CMYA5: variants seen among roughly 807,000 people sequenced by gnomAD.
CMYA5 encodes cardiomyopathy-associated protein 5.
A neutral mutation model predicts 318.9 loss-of-function variants in CMYA5; 246 were observed. The observed-to-expected ratio is 0.77, with a 90% CI of 0.70 to 0.86. The LOEUF is 0.86. Ranked by LOEUF, CMYA5 falls within the 40% of genes least tolerant of loss-of-function variation. The pLI is 0.00. For synonymous variants in CMYA5, 1,641 were observed against 1,729.5 expected (o/e 0.95, Z 1.27); for missense variants, 4,589 against 4,678.2 (o/e 0.98, Z 0.56).
intron 8 of CMYA5, 179 bp downstream of exon 8, chr5:79,762,136 T>TG: frequency 1.7e-6 from 1 of 577,040 alleles, no homozygotes; most frequent in South Asian, 4.4e-5. Flanking sequence ...CATGCTCAGG[T>TG]GGGGAGATGG....
chr5:79,777,112 C>G (rs991527478), intron 9 of CMYA5, among the ~76,000 whole-genome samples: 11 of 152,162 alleles, frequency 7.2e-5, no homozygotes, highest in African/African-American at 2.7e-4. Flanking sequence ...TGAGATTGTG[C>G]AAACACATTC....
At chr5:79,741,259 C>G (rs957058042) in intron 2 of CMYA5, among the ~76,000 whole-genome samples, 5 of 152,166 alleles carry the variant, frequency 3.3e-5, no homozygotes, top group African/African-American at 9.7e-5. Flanking sequence ...ATAAAATCGT[C>G]TCAGAGAGTT....
At chr5:79,700,022 G>A (rs1393869134) in intron 1 of CMYA5, among the ~76,000 whole-genome samples, 1 of 152,202 alleles carries the variant, frequency 6.6e-6, no homozygotes, top group Non-Finnish European at 1.5e-5. Context: ...CTGAAGATCA[G>A]GCCTTATTTA....
chr5:79,720,658 A>G lies in CMYA5; in HGVS notation c.150-8257A>G, dbSNP rs368660977. 2.6e-5 allele frequency among the ~76,000 whole-genome samples: 4 copies of G among 151,828 alleles called. No homozygotes were observed. The East Asian group carries it at 5.8e-4, about 22-fold the overall frequency. On this transcript the variant is annotated intron_variant, in intron 1 of 12. Coordinates refer to ENST00000446378, the MANE Select transcript of CMYA5 (RefSeq NM_153610.5). ...TCCATGTTGGTAAGGCTGGTCTTGA[A>G]CTCCTGACCTCAAGTGATCTGCTGG...
At position 79,713,306 on chromosome 5, in the gene CMYA5, C is replaced by T. The variant is rs1178788013; in HGVS notation, c.150-15609C>T. Among the ~76,000 whole-genome samples, 7 of 125,008 alleles carry T rather than the reference C, an allele frequency of 5.6e-5. No individual in the cohort carries two copies. In the East Asian group the frequency reaches 1.2e-3, roughly 22 times the overall value. The allele number at this position is 125,008 out of a possible 152,430, so 82.0% of individuals were successfully genotyped here. A position where few individuals can be genotyped will look rare whatever the true frequency, so the allele number is the denominator to read the frequency against. On this transcript the variant is annotated intron_variant, in intron 1 of 12. Coordinates refer to ENST00000446378, the MANE Select transcript of CMYA5 (RefSeq NM_153610.5). ...CACCCCGCTGCACCCCGCCCCCACC[C>T]CCCACCCGCCGTCACAAAGAATTAT...
At chr5:79,693,190 A>G (rs1001277714) in intron 1 of CMYA5, among the ~76,000 whole-genome samples, 1 of 152,202 alleles carries the variant, frequency 6.6e-6, no homozygotes, top group African/African-American at 2.4e-5. Flanking sequence ...TTATGTTTCT[A>G]AAACTTCATG....
chr5:79,754,075 G>T (rs1053594541), intron 6 of CMYA5, among the ~76,000 whole-genome samples: 1 of 152,206 alleles, frequency 6.6e-6, no homozygotes, highest in East Asian at 1.9e-4. Flanking sequence ...CTCAGCAAGT[G>T]CACATGGCGG....
At position 79,737,217 on chromosome 5, in the gene CMYA5, C is replaced by T. The variant is rs756008782; in HGVS notation, c.8452C>T (p.Gln2818Ter). Reference protein sequence around the residue: ...PPYLLSPVKPQTLASGASPEI... With the variant: ...PPYLLSPVKP ...ATATTTGCTGTCACCTGTAAAACCA[C>T]AAACTCTTGCTTCAGGAGCTTCTCC... Residue 2818 changes from glutamine to a stop codon, truncating the protein, a stop_gained, in exon 2 of 13, where the codon CAA becomes TAA. Transcript: ENST00000446378. LOFTEE classifies it high-confidence loss of function. 3.7e-6 allele frequency: 6 copies of T among 1,613,718 alleles called. No individual in the cohort carries two copies. The South Asian group carries it at 6.6e-5, about 18-fold the overall frequency.
intron 9 of CMYA5, among the ~76,000 whole-genome samples, chr5:79,768,162 C>A (rs1324650183): frequency 1.3e-5 from 2 of 151,630 alleles, no homozygotes; most frequent in Non-Finnish European, 1.5e-5. Flanking sequence ...GGTAAGTATT[C>A]CTCCATCCCT....
At position 79,726,792 on chromosome 5, in the gene CMYA5, C is replaced by T. The variant is rs142493445; in HGVS notation, c.150-2123C>T. On this transcript the variant is annotated intron_variant, in intron 1 of 12. Transcript: ENST00000446378. ...AGCTTAATAAGGGAAGTTGAGTGCACCTGCAAGGACTTATGGTCCTGGTCC... is the reference window on the plus strand; with the variant it reads ...AGCTTAATAAGGGAAGTTGAGTGCATCTGCAAGGACTTATGGTCCTGGTCC... Among the ~76,000 whole-genome samples, 1,295 of 152,132 alleles carry T rather than the reference C, an allele frequency of 8.5e-3. 21 individuals carry two copies. The highest frequency in any genetic ancestry group is 0.03 in the African/African-American group (1,228 of 41,476).
At chr5:79,796,466 C>T (rs1427888609) in intron 12 of CMYA5, among the ~76,000 whole-genome samples, 2 of 152,130 alleles carry the variant, frequency 1.3e-5, no homozygotes, top group African/African-American at 2.4e-5. Flanking sequence ...GTGGTGCAAA[C>T]ATGGCTCCAT....
chr5:79,756,669 C>G (rs1177192588), intron 6 of CMYA5, among the ~76,000 whole-genome samples: 1 of 152,112 alleles, frequency 6.6e-6, no homozygotes, highest in African/African-American at 2.4e-5. Flanking sequence ...AGCTCTTTAT[C>G]GCTGTTGCAT....
chr5:79,713,920 G>C (rs1827462263), intron 1 of CMYA5, among the ~76,000 whole-genome samples: 1 of 151,548 alleles, frequency 6.6e-6, no homozygotes, highest in Non-Finnish European at 1.5e-5. Context: ...TGGTTGTAAG[G>C]ACAGGCACAT....
chr5:79,796,676 A>C (rs1435832153), intron 12 of CMYA5, among the ~76,000 whole-genome samples: 1 of 152,258 alleles, frequency 6.6e-6, no homozygotes, highest in East Asian at 1.9e-4. Flanking sequence ...CTGGGATTAC[A>C]GGCCTGAGCC....
At chr5:79,709,094 G>T (rs190285533) in intron 1 of CMYA5, among the ~76,000 whole-genome samples, 1 of 152,312 alleles carries the variant, frequency 6.6e-6, no homozygotes, top group East Asian at 1.9e-4. Flanking sequence ...TCTACAAACA[G>T]GTATCAAGGC....
Position 79,788,937 on chromosome 5 carries a change from ATGTTTAAAATTATTATTT to A in CMYA5, c.11556-32_11556-15del. The A allele has an allele frequency of 6.3e-7, 1 of 1,597,460 alleles. No individual in the cohort carries two copies. The highest frequency in any genetic ancestry group is 8.6e-7 in the Non-Finnish European group (1 of 1,167,958). ...TAGGAATCATTTAGCATGTGGCATT[ATGTTTAAAATTATTATTT>A]TCCTCTTGTATTTAGATCTTTCTCT... is the stretch of plus-strand genomic sequence containing the variant. On this transcript the variant is annotated splice_polypyrimidine_tract_variant and intron_variant, in intron 9 of 12. Transcript: ENST00000446378.
intron 7 of CMYA5, among the ~76,000 whole-genome samples, chr5:79,759,460 A>G (rs1233955901): frequency 6.6e-6 from 1 of 152,222 alleles, no homozygotes; most frequent in African/African-American, 2.4e-5. Context: ...GGGCCTAGGT[A>G]TGGTGTAGTC....
At chr5:79,762,579 C>T (rs1488593361) in intron 8 of CMYA5, 1 of 153,724 alleles carries the variant, frequency 6.5e-6, no homozygotes, top group African/African-American at 2.4e-5. Flanking sequence ...ACGATGAAAT[C>T]TTTTCACAGG....
Position 79,799,707 on chromosome 5 carries a change from G to A in CMYA5, c.*91G>A. The stretch of plus-strand genomic sequence containing the variant: ...TTAGGTGCTATACATTATTCAAAAA[G>A]TCTCCCGCGCATTTGCACTAATGAT... On this transcript the variant is annotated 3_prime_UTR_variant, in exon 13 of 13. Transcript: ENST00000446378. 1 of 1,460,592 alleles carries A rather than the reference G, an allele frequency of 6.8e-7. No individual in the cohort carries two copies. The highest frequency in any genetic ancestry group is 9.1e-7 in the Non-Finnish European group (1 of 1,097,442). 90.5% of individuals were successfully genotyped at this position (1,460,592 alleles called of 1,614,324 possible). A position where few individuals can be genotyped will look rare whatever the true frequency, so the allele number is the denominator to read the frequency against.
Sources: allele counts gnomAD v4.1 joint callset (sites outside exome capture counted in the v4.1 genomes callset), GRCh38; gene constraint gnomAD v4.1.1; transcripts MANE v1.5; gene names NCBI Gene and HGNC (gene_info 2026-07-23, HGNC 2026-07-21).